The following MAGI1 variants were observed in gnomAD, a reference collection of about 807,000 sequenced individuals.
MAGI1 encodes the protein membrane-associated guanylate kinase, WW and PDZ domain-containing protein 1.
A neutral mutation model predicts 139.9 loss-of-function variants in MAGI1; 58 were observed. The observed-to-expected ratio is 0.41, with a 90% CI of 0.34 to 0.52. The LOEUF (loss-of-function observed/expected upper bound fraction) is 0.52. Among genes scored for constraint, MAGI1 ranks in the 20% least tolerant of loss-of-function variants. The probability of loss-of-function intolerance (pLI) is 0.12; values close to 1 mark genes in which losing one functional copy is unlikely to be tolerated. For missense variants in MAGI1, 1,874 were observed against 1,901.6 expected, an observed-to-expected ratio of 0.99 and a Z score of 0.27; for synonymous variants, 812 against 737.9, an observed-to-expected ratio of 1.10 and a Z score of -1.63.
chr3:65,766,587 C>T (rs1215717245), intron 1 of MAGI1, among the ~76,000 whole-genome samples: 3 of 151,616 alleles, frequency 2.0e-5, no homozygotes, highest in Non-Finnish European at 2.9e-5. Flanking sequence ...TAATCACAGT[C>T]ATTATTATAA....
intron 1 of MAGI1, among the ~76,000 whole-genome samples, chr3:65,992,210 T>C (rs1291652226): frequency 6.6e-6 from 1 of 152,114 alleles, no homozygotes; most frequent in African/African-American, 2.4e-5. Flanking sequence ...AGGTACCTCA[T>C]ACACTAACTG....
At chr3:65,492,752 A>G (rs1467581914) in intron 3 of MAGI1, among the ~76,000 whole-genome samples, 2 of 152,194 alleles carry the variant, frequency 1.3e-5, no homozygotes, top group Non-Finnish European at 2.9e-5. Flanking sequence ...TGAATCCTAA[A>G]TCAGGCAGGT....
chr3:65,484,789 T>C (rs1035777458), intron 3 of MAGI1, among the ~76,000 whole-genome samples: 2 of 152,156 alleles, frequency 1.3e-5, no homozygotes, highest in African/African-American at 2.4e-5. Flanking sequence ...CAACAGTATC[T>C]CTGACCCCAC....
intron 1 of MAGI1, among the ~76,000 whole-genome samples, chr3:65,913,168 CAGGAGGCGG>C (rs767742490): frequency 2.0e-5 from 3 of 151,940 alleles, no homozygotes; most frequent in Non-Finnish European, 2.9e-5. Context: ...GGCTGAGGCA[CAGGAGGCGG>C]AGGTTGAACC....
chr3:65,918,670 C>T (rs777104301), intron 1 of MAGI1, among the ~76,000 whole-genome samples: 12 of 152,200 alleles, frequency 7.9e-5, no homozygotes, highest in South Asian at 2.1e-4. Flanking sequence ...TGAGCCACCG[C>T]GCCCGGCCTC....
chr3:65,637,413 G>T (rs2084688538), intron 1 of MAGI1, among the ~76,000 whole-genome samples: 2 of 151,898 alleles, frequency 1.3e-5, no homozygotes, highest in Admixed American at 1.3e-4. Flanking sequence ...AATTAGCCAG[G>T]TATGGTGGTG....
chr3:65,582,724 T>C (rs1332715119), intron 2 of MAGI1, among the ~76,000 whole-genome samples: 1 of 152,168 alleles, frequency 6.6e-6, no homozygotes, highest in African/African-American at 2.4e-5. Context: ...CAAAGCCTCA[T>C]GGAAGTCACC....
At chr3:65,640,699 C>A (rs1322593477) in intron 1 of MAGI1, among the ~76,000 whole-genome samples, 1 of 152,210 alleles carries the variant, frequency 6.6e-6, no homozygotes, top group Admixed American at 6.5e-5. Flanking sequence ...CAGTTGAATT[C>A]TCTTAACTTC....
intron 12 of MAGI1, among the ~76,000 whole-genome samples, chr3:65,423,070 A>C (rs2107289980): frequency 6.6e-6 from 1 of 152,266 alleles, no homozygotes; most frequent in Non-Finnish European, 1.5e-5. Flanking sequence ...ATGTAAACCA[A>C]GTTTGAGTAC....
Position 65,597,735 on chromosome 3 carries a change from C to A in MAGI1, c.430+24237G>T, listed in dbSNP as rs779933253. ...CTGCCTGTCCCCAGGCTTCCTCCGGCAGCGGAGCGTTCGAATCCAGAGGTG... is the reference window on the plus strand; with the variant it reads ...CTGCCTGTCCCCAGGCTTCCTCCGGAAGCGGAGCGTTCGAATCCAGAGGTG... On this transcript the variant is annotated intron_variant, in intron 2 of 22. Transcript: ENST00000402939. 6.6e-5 allele frequency: 30 copies of A among 456,588 alleles called. 1 individual carries two copies. Among genetic ancestry groups the A allele is most frequent in the South Asian group, 4.6e-4 (30 of 64,578 alleles). The allele number at this position is 456,588 out of a possible 1,614,324, so 28.3% of individuals were successfully genotyped here.
intron 1 of MAGI1, among the ~76,000 whole-genome samples, chr3:65,689,335 T>A (rs2088363447): frequency 6.6e-6 from 1 of 152,216 alleles, no homozygotes; most frequent in Non-Finnish European, 1.5e-5. Flanking sequence ...CTGAGTTCCA[T>A]GTTCCTAACT....
intron 3 of MAGI1, among the ~76,000 whole-genome samples, 173 bp downstream of exon 3, chr3:65,493,338 CA>C (rs1952194182): frequency 6.6e-6 from 1 of 152,126 alleles, no homozygotes; most frequent in South Asian, 2.1e-4. Context: ...TAAAGAACTC[CA>C]CAAAGCCTTA....
intron 1 of MAGI1, among the ~76,000 whole-genome samples, chr3:65,966,103 T>C (rs1003740655): frequency 6.6e-6 from 1 of 152,202 alleles, no homozygotes; most frequent in Non-Finnish European, 1.5e-5. Context: ...TATACTTATT[T>C]CTATTTTCTA....
chr3:66,022,322 A>T (rs1206022613), intron 1 of MAGI1, among the ~76,000 whole-genome samples: 2 of 152,198 alleles, frequency 1.3e-5, no homozygotes, highest in Non-Finnish European at 2.9e-5. Flanking sequence ...AGTTGAAGAG[A>T]CATACCTAGG....
chr3:65,920,428 T>G (rs953206181), intron 1 of MAGI1, among the ~76,000 whole-genome samples: 1 of 152,208 alleles, frequency 6.6e-6, no homozygotes, highest in Non-Finnish European at 1.5e-5. Context: ...AAACACCGTA[T>G]GAATTTCTAA....
intron 1 of MAGI1, among the ~76,000 whole-genome samples, chr3:65,912,050 C>T (rs544373327): frequency 2.0e-5 from 3 of 152,142 alleles, no homozygotes; most frequent in South Asian, 2.1e-4. Context: ...GATGATAGAA[C>T]TTGAAAGGGA....
intron 1 of MAGI1, among the ~76,000 whole-genome samples, chr3:65,971,335 A>G (rs1237716464): frequency 6.6e-6 from 1 of 152,222 alleles, no homozygotes; most frequent in African/African-American, 2.4e-5. Flanking sequence ...TCTATGGATT[A>G]TGGTCTTAAG....
At chr3:65,787,022 C>T (rs1390240) in intron 1 of MAGI1, among the ~76,000 whole-genome samples, 1 of 150,962 alleles carries the variant, frequency 6.6e-6, no homozygotes, top group East Asian at 1.9e-4. Flanking sequence ...CACAAGCACA[C>T]AACATTTCAT....
intron 1 of MAGI1, among the ~76,000 whole-genome samples, chr3:65,927,460 G>A (rs572243605): frequency 2.0e-5 from 3 of 152,320 alleles, no homozygotes; most frequent in African/African-American, 7.2e-5. Context: ...TGCCACAAGT[G>A]TGAACTGCTC....
Sources: allele counts gnomAD v4.1 joint callset (sites outside exome capture counted in the v4.1 genomes callset), GRCh38; gene constraint gnomAD v4.1.1; transcripts MANE v1.5; gene names NCBI Gene and HGNC (gene_info 2026-07-23, HGNC 2026-07-21).